FRMD4B: variants seen among roughly 807,000 people sequenced by gnomAD.
FRMD4B encodes FERM domain-containing protein 4B.
FRMD4B carries 74 observed loss-of-function variants against 141.5 expected under a neutral mutation model. That is an observed-to-expected ratio of 0.52 (90% CI 0.43 to 0.63). FRMD4B has a LOEUF of 0.63. Ranked by LOEUF, FRMD4B falls within the 30% of genes least tolerant of loss-of-function variation. FRMD4B has a pLI of 0.00. For missense variants in FRMD4B, 1,366 were observed against 1,253.4 expected (o/e 1.09, Z -1.36); for synonymous variants, 506 against 467.9 (o/e 1.08, Z -1.05).
chr3:69,365,940 C>G (rs1703634620), intron 1 of FRMD4B, among the ~76,000 whole-genome samples: 1 of 151,952 alleles, frequency 6.6e-6, no homozygotes, highest in African/African-American at 2.4e-5. Context: ...AGAAACAGGT[C>G]AAGCATGGTG....
Position 69,179,243 on chromosome 3 carries a change from A to G in FRMD4B, c.2851+1656T>C, listed in dbSNP as rs118045089. Among the ~76,000 whole-genome samples, 105 of 152,192 alleles carry G rather than the reference A, an allele frequency of 6.9e-4. 2 individuals are homozygous for G. The East Asian group carries it at 0.018, about 27-fold the overall frequency. On this transcript the variant is annotated intron_variant, in intron 21 of 22. Transcript: ENST00000398540. ...GAAGCTTTACCTCCATTTCACCTTT[A>G]CTAAGCTAGCAGCCAGGAATGTTGA...
chr3:69,174,766 A>C (rs1471790957), intron 22 of FRMD4B, among the ~76,000 whole-genome samples: 1 of 152,218 alleles, frequency 6.6e-6, no homozygotes, highest in African/African-American at 2.4e-5. Flanking sequence ...AATGCACCAA[A>C]AACTGTATAA....
At chr3:69,184,001 T>C (rs1258470964) in intron 19 of FRMD4B, among the ~76,000 whole-genome samples, 1 of 152,116 alleles carries the variant, frequency 6.6e-6, no homozygotes, top group African/African-American at 2.4e-5. Flanking sequence ...GTTCGAGTGA[T>C]CCTCCCACCT....
rs908853981 is a variant in FRMD4B, at chr3:69,171,024, C to A, written c.*837G>T. On this transcript the variant is annotated 3_prime_UTR_variant, in exon 23 of 23. Coordinates refer to ENST00000398540, the MANE Select transcript of FRMD4B (RefSeq NM_015123.3). Reference sequence around the variant, plus strand: ...ATAAAAACTTTCCATATTAAGTCTGCCACTTCAAATGACAGCCGAGTTGGA... The same window carrying A: ...ATAAAAACTTTCCATATTAAGTCTGACACTTCAAATGACAGCCGAGTTGGA... 1 of 152,058 alleles carries A rather than the reference C, an allele frequency of 6.6e-6. No homozygotes were observed. The highest frequency in any genetic ancestry group is 1.5e-5 in the Non-Finnish European group (1 of 68,018). The allele number at this position is 152,058 out of a possible 1,614,324, so 9.4% of individuals were successfully genotyped here.
At chr3:69,280,108 T>C (rs1389034638) in intron 5 of FRMD4B, among the ~76,000 whole-genome samples, 2 of 152,124 alleles carry the variant, frequency 1.3e-5, no homozygotes, top group African/African-American at 2.4e-5. Flanking sequence ...TCCTGCTTCA[T>C]GCATTTAGGC....
chr3:69,293,880 C>CAAAAAAAAAAAAAAA (rs10699871), intron 4 of FRMD4B, among the ~76,000 whole-genome samples: 5 of 74,446 alleles, frequency 6.7e-5, no homozygotes, highest in African/African-American at 3.0e-4. Flanking sequence ...GATTCTGCCT[C>CAAAAAAAAAAAAAAA]AAAAAAAAAA....
chr3:69,454,834 G>A (rs759102880), intron 1 of FRMD4B, among the ~76,000 whole-genome samples: 29 of 152,236 alleles, frequency 1.9e-4, no homozygotes, highest in Non-Finnish European at 2.2e-4. Context: ...CAGGACTGGC[G>A]GGCACCTCCG....
intron 5 of FRMD4B, among the ~76,000 whole-genome samples, chr3:69,261,095 A>G (rs1438848319): frequency 6.6e-6 from 1 of 152,176 alleles, no homozygotes; most frequent in Non-Finnish European, 1.5e-5. Flanking sequence ...CACTTTTCAC[A>G]CTGTGGAAGG....
chr3:69,479,651 A>AACAT (rs1217592387), intron 1 of FRMD4B, among the ~76,000 whole-genome samples: 26 of 152,028 alleles, frequency 1.7e-4, no homozygotes, highest in South Asian at 6.2e-4. Flanking sequence ...TTTTTCCTTC[A>AACAT]TTTCAACTTT....
chr3:69,497,305 A>C (rs1706419216), intron 1 of FRMD4B, among the ~76,000 whole-genome samples: 1 of 152,234 alleles, frequency 6.6e-6, no homozygotes, highest in Non-Finnish European at 1.5e-5. Context: ...AGCATAACCT[A>C]GTAAAAGCTG....
At position 69,221,839 on chromosome 3, in the gene FRMD4B, CA is replaced by C; in HGVS notation, c.731+18del. On this transcript the variant is annotated intron_variant, in intron 9 of 22. Coordinates refer to ENST00000398540, the MANE Select transcript of FRMD4B (RefSeq NM_015123.3). ...GAGAGATATTAAAATTATATCTAAG[CA>C]AAAGGAAAGATACTTACTGAACCAC... The C allele has an allele frequency of 7.4e-7, 1 of 1,343,032 alleles. No individual in the cohort carries two copies. Among genetic ancestry groups the C allele is most frequent in the Non-Finnish European group, 1.1e-6 (1 of 942,606 alleles). The allele number at this position is 1,343,032 out of a possible 1,614,324, so 83.2% of individuals were successfully genotyped here.
chr3:69,298,633 C>T (rs9868554), intron 4 of FRMD4B, among the ~76,000 whole-genome samples: 3,997 of 152,276 alleles, frequency 0.026, 172 homozygotes, highest in African/African-American at 0.086. Context: ...CATGCTCTTG[C>T]CAACCTTTCT....
At position 69,515,258 on chromosome 3, in the gene FRMD4B, C is replaced by T. The variant is rs112803302; in HGVS notation, c.-129+26948G>A. On this transcript the variant is annotated intron_variant, in intron 1 of 5. Transcript: ENST00000459638. ...CTGGTGCTAACCATTCATGAGACAT[C>T]CACCCCCATGATCCAATCGTCTTCC... is the stretch of plus-strand genomic sequence containing the variant. Among the ~76,000 whole-genome samples, 789 of 152,226 alleles carry T rather than the reference C, an allele frequency of 5.2e-3. 6 individuals are homozygous for T. Among genetic ancestry groups the T allele is most frequent in the African/African-American group, 0.018 (749 of 41,528 alleles).
At chr3:69,485,212 C>T (rs1706195481) in intron 1 of FRMD4B, among the ~76,000 whole-genome samples, 1 of 152,226 alleles carries the variant, frequency 6.6e-6, no homozygotes, top group Admixed American at 6.5e-5. Flanking sequence ...GTGACAGTGG[C>T]TGGGCTTGGC....
chr3:69,180,875 T>A (rs9818314), intron 21 of FRMD4B, 24 bp downstream of exon 21: 2 of 1,460,922 alleles, frequency 1.4e-6, no homozygotes, highest in South Asian at 2.5e-5. Flanking sequence ...ATCCAGGTGT[T>A]GCGTGTTTTT....
intron 1 of FRMD4B, among the ~76,000 whole-genome samples, chr3:69,529,420 C>T (rs1700981918): frequency 6.6e-6 from 1 of 152,082 alleles, no homozygotes; most frequent in Non-Finnish European, 1.5e-5. Context: ...ATAAGGAGAC[C>T]AAGGCCCTAG....
At chr3:69,381,963 A>G (rs1020655243) in intron 1 of FRMD4B, among the ~76,000 whole-genome samples, 1 of 152,028 alleles carries the variant, frequency 6.6e-6, no homozygotes, top group African/African-American at 2.4e-5. Flanking sequence ...GTGTTTCTTA[A>G]CCTTTTAATT....
At chr3:69,393,367 T>C (rs1704419807) in intron 2 of FRMD4B, among the ~76,000 whole-genome samples, 1 of 151,076 alleles carries the variant, frequency 6.6e-6, no homozygotes, top group Non-Finnish European at 1.5e-5. Context: ...TGTGAGACTT[T>C]GTCTTGTACC....
At chr3:69,284,766 C>T (rs1283496664) in intron 5 of FRMD4B, among the ~76,000 whole-genome samples, 1 of 152,082 alleles carries the variant, frequency 6.6e-6, no homozygotes. Context: ...GATAAACAGA[C>T]AAAGGCATTA....
Sources: gnomAD v4.1 joint callset for allele counts (sites outside exome capture counted in the v4.1 genomes callset) on GRCh38, gnomAD v4.1.1 for gene constraint, MANE v1.5 for transcripts, NCBI Gene and HGNC (gene_info 2026-07-23, HGNC 2026-07-21) for gene names.